Variants in PLAC1 observed in about 807,000 individuals in gnomAD.
PLAC1 encodes placenta-specific protein 1.
For synonymous variants in PLAC1, 68 were observed against 62.1 expected (o/e 1.09, Z -0.44); for missense variants, 136 against 163.2 (o/e 0.83, Z 0.91).
At chrX:134,645,958 G>A (rs113147726) in intron 1 of PLAC1, among the ~76,000 whole-genome samples, 1,392 of 111,884 alleles carry the variant, frequency 0.012, 22 homozygotes, top group African/African-American at 0.043. Flanking sequence ...GACCAGGCCA[G>A]ATTTTGTTAG....
chrX:134,568,929 G>A (rs1232008317), intron 2 of PLAC1, among the ~76,000 whole-genome samples: 1 of 110,584 alleles, frequency 9.0e-6, no homozygotes, highest in African/African-American at 3.3e-5. Context: ...TGCTTTAGGT[G>A]GGTTTTCTTT....
intron 1 of PLAC1, among the ~76,000 whole-genome samples, chrX:134,757,604 G>T (rs768595503): frequency 2.0e-4 from 22 of 111,563 alleles, no homozygotes; most frequent in African/African-American, 5.8e-4. Context: ...GACATTATTG[G>T]GGCAATCGGG....
chrX:134,589,926 T>G (rs934798803), intron 2 of PLAC1, among the ~76,000 whole-genome samples: 2 of 111,327 alleles, frequency 1.8e-5, no homozygotes, highest in African/African-American at 3.3e-5. Context: ...CCGGGCGCGG[T>G]GGCTCACGCC....
intron 2 of PLAC1, among the ~76,000 whole-genome samples, chrX:134,592,044 A>T (rs1484025657): frequency 9.0e-6 from 1 of 111,571 alleles, no homozygotes; most frequent in African/African-American, 3.3e-5. Flanking sequence ...GATATGTGTC[A>T]GTTGTCAGAT....
chrX:134,751,350 C>G (rs1233482630), intron 1 of PLAC1, among the ~76,000 whole-genome samples: 1 of 109,346 alleles, frequency 9.1e-6, no homozygotes, highest in Non-Finnish European at 1.9e-5. Flanking sequence ...CCCATTGGCT[C>G]TTCAATCTCA....
At chrX:134,718,466 C>A (rs971425832) in intron 2 of PLAC1, among the ~76,000 whole-genome samples, 16 of 112,418 alleles carry the variant, frequency 1.4e-4, no homozygotes, top group Admixed American at 1.2e-3. Context: ...GTTTTTACAG[C>A]TTTGGGGCTT....
At chrX:134,750,356 G>A (rs1476071341) in intron 1 of PLAC1, among the ~76,000 whole-genome samples, 1 of 110,531 alleles carries the variant, frequency 9.0e-6, no homozygotes, top group Non-Finnish European at 1.9e-5. Flanking sequence ...ACCGTATGCT[G>A]TGAATATCCC....
intron 2 of PLAC1, among the ~76,000 whole-genome samples, chrX:134,595,333 A>T (rs2078057354): frequency 9.1e-6 from 1 of 109,909 alleles, no homozygotes; most frequent in African/African-American, 3.3e-5. Context: ...CTTGTGTTGG[A>T]TGGAGTATTC....
chrX:134,733,876 C>A lies in PLAC1; in HGVS notation n.90-357G>T, dbSNP rs759734734. Among the ~76,000 whole-genome samples, 8 of 109,890 alleles carry A rather than the reference C, an allele frequency of 7.3e-5. No homozygotes were observed. The South Asian group carries it at 3.1e-3, about 43-fold the overall frequency. On this transcript the variant is annotated intron_variant and non_coding_transcript_variant, in intron 1 of 2. Coordinates refer to the PLAC1 transcript ENST00000466797. ...GCTGTTGGCATGAGAGCGTTCACTG[C>A]CCTTCCCTTAGAAAAAAAAAGATGT...
At chrX:134,747,054 G>A (rs2078730681) in intron 1 of PLAC1, among the ~76,000 whole-genome samples, 1 of 112,048 alleles carries the variant, frequency 8.9e-6, no homozygotes, top group African/African-American at 3.2e-5. Flanking sequence ...AGGCAATAAG[G>A]GGGACAGAAG....
intron 2 of PLAC1, among the ~76,000 whole-genome samples, chrX:134,675,033 G>C (rs763763458): frequency 2.7e-5 from 3 of 112,113 alleles, no homozygotes; most frequent in Non-Finnish European, 5.6e-5. Flanking sequence ...CCTAATCATA[G>C]TATGTGGTGA....
At chrX:134,735,582 A>G (rs1232446760) in intron 1 of PLAC1, among the ~76,000 whole-genome samples, 1 of 111,262 alleles carries the variant, frequency 9.0e-6, no homozygotes, top group Admixed American at 9.6e-5. Flanking sequence ...GTTTATCACA[A>G]ATATTCCCCT....
chrX:134,759,276 G>A (rs2147854563), intron 1 of PLAC1, among the ~76,000 whole-genome samples: 1 of 110,441 alleles, frequency 9.1e-6, no homozygotes, highest in African/African-American at 3.3e-5. Context: ...TCAGCCTCCT[G>A]AGTAGCTGGG....
At chrX:134,591,265 G>A (rs1227642331) in intron 2 of PLAC1, among the ~76,000 whole-genome samples, 1 of 112,319 alleles carries the variant, frequency 8.9e-6, no homozygotes, top group African/African-American at 3.2e-5. Context: ...GTGAATATGT[G>A]TGTCTTGCAG....
upstream of PLAC1, among the ~76,000 whole-genome samples, chrX:134,659,699 G>A (rs752711135): frequency 1.8e-5 from 2 of 112,490 alleles, no homozygotes; most frequent in South Asian, 3.7e-4. Flanking sequence ...TGTCCTAAGT[G>A]CTTGGCTTAT....
intron 1 of PLAC1, among the ~76,000 whole-genome samples, chrX:134,647,410 CTGTGTGTGTGTGTGTGTG>C (rs200761671): frequency 1.1e-5 from 1 of 90,146 alleles, no homozygotes; most frequent in Non-Finnish European, 2.2e-5. Context: ...ATGCATGCAT[CTGTGTGTGTGTGTGTGTG>C]TGTGTGTGTG....
chrX:134,706,192 C>A (rs2078604097), intron 2 of PLAC1, among the ~76,000 whole-genome samples: 1 of 112,753 alleles, frequency 8.9e-6, no homozygotes, highest in Admixed American at 9.4e-5. Context: ...CGGCAAATAT[C>A]TACAGAAAAA....
intron 1 of PLAC1, among the ~76,000 whole-genome samples, chrX:134,611,870 C>T (rs2078155436): frequency 9.0e-6 from 1 of 111,409 alleles, no homozygotes. Context: ...TTAGAAGCAG[C>T]TCCATGGGTG....
chrX:134,598,927 G>T (rs2078075159), intron 2 of PLAC1, among the ~76,000 whole-genome samples: 1 of 111,534 alleles, frequency 9.0e-6, no homozygotes, highest in Non-Finnish European at 1.9e-5. Context: ...TGGAGCTGAA[G>T]GAAAGATTAT....
Sources: gnomAD v4.1 joint callset for allele counts (sites outside exome capture counted in the v4.1 genomes callset) on GRCh38, gnomAD v4.1.1 for gene constraint, MANE v1.5 for transcripts, NCBI Gene and HGNC (gene_info 2026-07-23, HGNC 2026-07-21) for gene names.